The following UNKL variants were observed in gnomAD, a reference collection of about 807,000 sequenced individuals.
UNKL encodes the protein unk like zinc finger, also known as putative E3 ubiquitin-protein ligase UNKL.
In UNKL, 60 loss-of-function variants were observed where a neutral mutation model predicts 78.0. The ratio of observed to expected loss-of-function variants is 0.77; its 90% CI spans 0.63 to 0.95. UNKL has a LOEUF of 0.95. Ranked by LOEUF, UNKL falls within the 40% of genes least tolerant of loss-of-function variation. The pLI is 0.00. For missense variants in UNKL, 1,159 were observed against 1,045.7 expected (o/e 1.11, Z -1.49); for synonymous variants, 608 against 474.8 (o/e 1.28, Z -3.65).
rs1029275494 is a variant in UNKL, at chr16:1,363,712, C to G, written c.*2528G>C. ...ATCCCTGAGGCCATGGCCACCAAGA[C>G]AGGTGAGGGAGGCCCCAGGGCACAC... On this transcript the variant is annotated 3_prime_UTR_variant, in exon 15 of 15. Coordinates refer to ENST00000389221, the MANE Select transcript of UNKL (RefSeq NM_001372107.1). 1 of 166,914 alleles carries G rather than the reference C, an allele frequency of 6.0e-6. No homozygotes were observed. The highest frequency in any genetic ancestry group is 2.4e-5 in the African/African-American group (1 of 41,564). 10.3% of individuals were successfully genotyped at this position (166,914 alleles called of 1,614,324 possible). A position where few individuals can be genotyped will look rare whatever the true frequency, so the allele number is the denominator to read the frequency against.
At chr16:1,398,679 G>GCCGGGCC in intron 5 of UNKL, 1 of 1,356,372 alleles carries the variant, frequency 7.4e-7, no homozygotes, top group Non-Finnish European at 9.5e-7. Flanking sequence ...TGTGGGGTCT[G>GCCGGGCC]CACCCCCCCA....
At chr16:1,410,226 A>G (rs2037974590) in intron 2 of UNKL, among the ~76,000 whole-genome samples, 1 of 151,406 alleles carries the variant, frequency 6.6e-6, no homozygotes, top group Non-Finnish European at 1.5e-5. Context: ...TAATGGCACC[A>G]CTGCACTCCA....
chr16:1,390,618 T>C lies in UNKL; in HGVS notation c.1086+14A>G. ...ACATCAGGCACGAGGGTGGGAAACC[T>C]TGGGGGCCTGTACCTGCTTGCTGTC... On this transcript the variant is annotated intron_variant, in intron 9 of 14. Coordinates refer to ENST00000389221, the MANE Select transcript of UNKL (RefSeq NM_001372107.1). 8 of 1,535,874 alleles carry C rather than the reference T, an allele frequency of 5.2e-6. No individual in the cohort carries two copies. Among genetic ancestry groups the C allele is most frequent in the Non-Finnish European group, 6.1e-6 (7 of 1,146,792 alleles).
chr16:1,399,301 G>A lies in UNKL; in HGVS notation c.734+73C>T, dbSNP rs966478849. 1 of 1,453,776 alleles carries A rather than the reference G, an allele frequency of 6.9e-7. No homozygotes were observed. Among genetic ancestry groups the A allele is most frequent in the African/African-American group, 1.4e-5 (1 of 70,166 alleles). The allele number at this position is 1,453,776 out of a possible 1,614,324, so 90.1% of individuals were successfully genotyped here. On this transcript the variant is annotated intron_variant, in intron 5 of 14. Coordinates refer to ENST00000389221, the MANE Select transcript of UNKL (RefSeq NM_001372107.1). This position sits in a 1 kb window ranked among gnomAD's most constrained non-coding sequence, Gnocchi z 5.8. ...AGCCCTCCCATTAGAACCCCGGGGT[G>A]GGCAACGCGAGCCACGGGCCGGGAA...
chr16:1,385,245 C>T lies in UNKL; in HGVS notation c.1227G>A (p.Pro409=), dbSNP rs569930948. The change falls in exon 10 of 15, where the codon CCG becomes CCA. Residue 409 remains proline (P), a synonymous_variant. Transcript: ENST00000389221. ...ALPAPPARAL[P]LGPASSTVEA... ...CCACAGTGCTGCTGGCGGGGCCGAG[C>T]GGGAGGGCACGGGCGGGGGGCGCGG... The T allele has an allele frequency of 1.5e-4, 190 of 1,300,462 alleles. No individual in the cohort carries two copies. The African/African-American group carries it at 2.6e-3, about 18-fold the overall frequency. 80.6% of individuals were successfully genotyped at this position (1,300,462 alleles called of 1,614,324 possible).
chr16:1,397,266 CCGTGCTT>C lies in UNKL; in HGVS notation c.757_763del (p.Lys253GlyfsTer64), dbSNP rs1381708422. The stretch of plus-strand genomic sequence containing the variant: ...GCGTGAGGGTTCCCCCCACTCATCC[CCGTGCTT>C]CACACTGGGGCAGGGCGTGGACCTG... On this transcript the variant is annotated frameshift_variant, in exon 6 of 15. Coordinates refer to ENST00000389221, the MANE Select transcript of UNKL (RefSeq NM_001372107.1). LOFTEE classifies it high-confidence loss of function. 1.4e-5 allele frequency: 11 copies of C among 814,100 alleles called. No homozygotes were observed. In the South Asian group the frequency reaches 2.1e-4, roughly 15 times the overall value. The allele number at this position is 814,100 out of a possible 1,614,324, so 50.4% of individuals were successfully genotyped here.
At chr16:1,379,756 G>A (rs956538699) in intron 10 of UNKL, 1 of 815,404 alleles carries the variant, frequency 1.2e-6, no homozygotes, top group East Asian at 2.9e-4. Context: ...CCGTCGCACT[G>A]GCCACGCCCC....
intron 11 of UNKL, among the ~76,000 whole-genome samples, chr16:1,370,996 TGG>T (rs2035775857): frequency 6.9e-6 from 1 of 145,074 alleles, no homozygotes; most frequent in Non-Finnish European, 1.5e-5. Context: ...GGCAGGAGAA[TGG>T]CGTGAACCCG....
At chr16:1,370,861 ATCACGGGG>A (rs2141967483) in intron 11 of UNKL, among the ~76,000 whole-genome samples, 1 of 152,370 alleles carries the variant, frequency 6.6e-6, no homozygotes, top group South Asian at 2.1e-4. Context: ...AGGCGGGCAG[ATCACGGGG>A]TCAGGAGATG....
At chr16:1,386,849 G>A (rs1323104411) in intron 9 of UNKL, among the ~76,000 whole-genome samples, 2 of 152,100 alleles carry the variant, frequency 1.3e-5, no homozygotes, top group Non-Finnish European at 2.9e-5. Flanking sequence ...GGTGCACAGA[G>A]CCCCCCGTGA....
chr16:1,389,487 A>G (rs1335971044), intron 9 of UNKL, among the ~76,000 whole-genome samples: 9 of 152,160 alleles, frequency 5.9e-5, no homozygotes, highest in Non-Finnish European at 1.2e-4. Flanking sequence ...AAGTGGGAGG[A>G]CTGCTTCAAG....
At chr16:1,377,448 T>C (rs1369973032) in intron 10 of UNKL, among the ~76,000 whole-genome samples, 1 of 152,082 alleles carries the variant, frequency 6.6e-6, no homozygotes, top group African/African-American at 2.4e-5. Context: ...TGGCCCCTGC[T>C]GTGCACAGCC....
chr16:1,378,702 G>A (rs996122595), intron 10 of UNKL, among the ~76,000 whole-genome samples: 2 of 152,280 alleles, frequency 1.3e-5, no homozygotes, highest in South Asian at 4.1e-4. Context: ...CCTGGAGAGG[G>A]GACGTTCAGG....
intron 13 of UNKL, 58 bp downstream of exon 13, chr16:1,367,598 C>T (rs2141921434): frequency 7.7e-7 from 1 of 1,295,494 alleles, no homozygotes. Flanking sequence ...CACACGCTCA[C>T]CTGAGTCCCC....
chr16:1,389,832 T>G (rs1229366466), intron 9 of UNKL, among the ~76,000 whole-genome samples: 1 of 152,144 alleles, frequency 6.6e-6, no homozygotes, highest in African/African-American at 2.4e-5. Flanking sequence ...TTGGTTTGGT[T>G]TGAGACAGGG....
At chr16:1,375,602 C>T (rs1412991713) in intron 10 of UNKL, among the ~76,000 whole-genome samples, 1 of 152,178 alleles carries the variant, frequency 6.6e-6, no homozygotes, top group Admixed American at 6.5e-5. Flanking sequence ...ACGGAGACAC[C>T]GTTCCAATGA....
At chr16:1,398,679 G>GCGGCCCCCC in intron 5 of UNKL, 7 of 1,355,508 alleles carry the variant, frequency 5.2e-6, no homozygotes, top group Non-Finnish European at 6.7e-6. Context: ...TGTGGGGTCT[G>GCGGCCCCCC]CACCCCCCCA....
intron 12 of UNKL, chr16:1,368,081 A>AC: frequency 4.2e-6 from 2 of 479,410 alleles, no homozygotes; most frequent in East Asian, 3.3e-5. Context: ...CGGTCTCCCC[A>AC]CCAGATCTAC....
intron 12 of UNKL, among the ~76,000 whole-genome samples, chr16:1,368,416 C>A (rs2035487707): frequency 6.6e-6 from 1 of 151,374 alleles, no homozygotes; most frequent in Admixed American, 6.6e-5. Flanking sequence ...TCCTGGCTAA[C>A]AAGGTGAAAC....
Sources: gnomAD v4.1 joint callset for allele counts (sites outside exome capture counted in the v4.1 genomes callset) on GRCh38, gnomAD v4.1.1 for gene constraint, Gnocchi (gnomAD v3.1) non-coding constraint, MANE v1.5 for transcripts, NCBI Gene and HGNC (gene_info 2026-07-23, HGNC 2026-07-21) for gene names.